The following MTHFD1L variants were observed in gnomAD, a reference collection of about 807,000 sequenced individuals.
The protein encoded by MTHFD1L is monofunctional C1-tetrahydrofolate synthase, mitochondrial.
In MTHFD1L, 81 loss-of-function variants were observed where a neutral mutation model predicts 119.5. The ratio of observed to expected loss-of-function variants is 0.68; its 90% confidence interval spans 0.57 to 0.82. MTHFD1L has a LOEUF of 0.82. Among genes scored for constraint, MTHFD1L ranks in the 40% least tolerant of loss-of-function variants. The probability of loss-of-function intolerance (pLI) is 0.00; values close to 1 mark genes in which losing one functional copy is unlikely to be tolerated. For missense variants in MTHFD1L, 1,125 were observed against 1,253.4 expected (o/e 0.90, Z 1.55); for synonymous variants, 430 against 475.2 (o/e 0.90, Z 1.24).
At position 150,949,084 on chromosome 6, in the gene MTHFD1L, T is replaced by C; in HGVS notation, c.1677T>C (p.Ser559=). 1 of 1,613,924 alleles carries C rather than the reference T, an allele frequency of 6.2e-7. No homozygotes were observed. Among genetic ancestry groups the C allele is most frequent in the Non-Finnish European group, 8.5e-7 (1 of 1,180,004 alleles). ...GCACACTGACAGAAGAGGAAGTGAGTAAATTTGCCCGTCTCGACATCGACC... is the reference window on the plus strand; with the variant it reads ...GCACACTGACAGAAGAGGAAGTGAGCAAATTTGCCCGTCTCGACATCGACC... The part of the protein sequence containing the change: ...DPSTLTEEEV[S]KFARLDIDPS... The change falls in exon 16 of 28, where the codon AGT becomes AGC. Residue 559 remains serine, a synonymous_variant. Coordinates refer to ENST00000367321, the MANE Select transcript of MTHFD1L (RefSeq NM_015440.5).
intron 7 of MTHFD1L, among the ~76,000 whole-genome samples, chr6:150,891,187 T>C (rs2128791475): frequency 6.6e-6 from 1 of 152,232 alleles, no homozygotes; most frequent in South Asian, 2.1e-4. Context: ...GGTTTCACCA[T>C]GTTGGCCAGG....
At chr6:150,880,990 C>T (rs1403607547) in intron 4 of MTHFD1L, among the ~76,000 whole-genome samples, 1 of 152,104 alleles carries the variant, frequency 6.6e-6, no homozygotes, top group Non-Finnish European at 1.5e-5. Flanking sequence ...TGGATGTTAA[C>T]CCCTTGTCGG....
intron 20 of MTHFD1L, among the ~76,000 whole-genome samples, chr6:150,975,634 C>G (rs957038345): frequency 6.6e-6 from 1 of 152,194 alleles, no homozygotes; most frequent in Admixed American, 6.5e-5. Flanking sequence ...TCCTCTCCTC[C>G]CCTGTCTGGG....
At chr6:151,066,280 C>CA (rs901458755) in intron 26 of MTHFD1L, among the ~76,000 whole-genome samples, 2 of 150,380 alleles carry the variant, frequency 1.3e-5, no homozygotes, top group African/African-American at 4.9e-5. Flanking sequence ...ACTAAAAATA[C>CA]AAAAAAATCA....
rs139885159 is a variant in MTHFD1L at position 151,039,145 on chromosome 6, A to C, written c.2847+2028A>C. 9.9e-3 allele frequency among the ~76,000 whole-genome samples: 1,507 copies of C among 152,306 alleles called. 27 individuals carry two copies. The highest frequency in any genetic ancestry group is 0.034 in the African/African-American group (1,413 of 41,560). On this transcript the variant is annotated intron_variant, in intron 26 of 27. Coordinates refer to ENST00000367321, the MANE Select transcript of MTHFD1L (RefSeq NM_015440.5). The surrounding 1 kb of genome is among the most constrained non-coding windows in gnomAD (Gnocchi z 4.4). Reference sequence around the variant, plus strand: ...ACCCACGTTAATGCAGCCGACTCCTAGCAGGGGTGCCTTCCAGGAGGCGGG... The same window carrying C: ...ACCCACGTTAATGCAGCCGACTCCTCGCAGGGGTGCCTTCCAGGAGGCGGG...
chr6:150,908,054 C>T (rs7764006), intron 8 of MTHFD1L, among the ~76,000 whole-genome samples: 3 of 149,766 alleles, frequency 2.0e-5, no homozygotes, highest in South Asian at 2.1e-4. Flanking sequence ...CCTGTCACCA[C>T]GCCTGGCCAA....
chr6:150,879,563 C>T (rs189858839), intron 4 of MTHFD1L, among the ~76,000 whole-genome samples: 12 of 151,200 alleles, frequency 7.9e-5, no homozygotes, highest in African/African-American at 9.7e-5. Context: ...GCTAGGATTA[C>T]AGGTGTGAGC....
intron 17 of MTHFD1L, among the ~76,000 whole-genome samples, chr6:150,957,798 T>G (rs944809412): frequency 6.6e-6 from 1 of 151,866 alleles, no homozygotes; most frequent in Non-Finnish European, 1.5e-5. Context: ...CCTGTTTATG[T>G]TAAGAAAAAC....
intron 26 of MTHFD1L, among the ~76,000 whole-genome samples, chr6:151,058,663 C>G (rs1790276395): frequency 6.6e-6 from 1 of 152,190 alleles, no homozygotes; most frequent in Non-Finnish European, 1.5e-5. Context: ...CCCTCCTTTT[C>G]AAGGACTCCT....
intron 8 of MTHFD1L, among the ~76,000 whole-genome samples, chr6:150,909,537 T>G (rs1583499177): frequency 6.6e-6 from 1 of 152,196 alleles, no homozygotes; most frequent in Admixed American, 6.5e-5. Context: ...AACCACCATG[T>G]CTGGCCTAAA....
At chr6:150,866,537 G>T in intron 1 of MTHFD1L, 1 of 1,271,660 alleles carries the variant, frequency 7.9e-7, no homozygotes. Context: ...AGCGCCGCCC[G>T]CGCGAAGCTC....
chr6:151,063,960 T>C (rs2128605437), intron 26 of MTHFD1L, among the ~76,000 whole-genome samples: 1 of 138,220 alleles, frequency 7.2e-6, no homozygotes, highest in Middle Eastern at 4.1e-3. Flanking sequence ...AAGTGCTTAT[T>C]TTCAGCACAT....
At chr6:150,959,472 T>C (rs1406401523) in intron 17 of MTHFD1L, among the ~76,000 whole-genome samples, 1 of 152,206 alleles carries the variant, frequency 6.6e-6, no homozygotes, top group Non-Finnish European at 1.5e-5. Context: ...CATGTTGGAC[T>C]TCGTACAACG....
chr6:150,936,558 A>ATGT (rs1338480607), intron 11 of MTHFD1L, among the ~76,000 whole-genome samples: 1 of 152,132 alleles, frequency 6.6e-6, no homozygotes, highest in Non-Finnish European at 1.5e-5. Context: ...CTTGAAACTG[A>ATGT]TGTTGTTATT....
chr6:150,938,885 C>T, intron 13 of MTHFD1L, 140 bp downstream of exon 13: 1 of 901,642 alleles, frequency 1.1e-6, no homozygotes, highest in South Asian at 1.5e-5. Context: ...AAAATGTTTG[C>T]ATAACTCATG....
intron 12 of MTHFD1L, 72 bp from the exon 13 acceptor site, chr6:150,938,627 C>T: frequency 6.5e-7 from 1 of 1,527,676 alleles, no homozygotes; most frequent in South Asian, 1.2e-5. Context: ...GGAGCTGTGT[C>T]CCTTGGCCTG....
intron 27 of MTHFD1L, among the ~76,000 whole-genome samples, chr6:151,100,447 C>T (rs1795281004): frequency 1.3e-5 from 2 of 152,118 alleles, no homozygotes; most frequent in Admixed American, 6.6e-5. Context: ...TAGAAACTAA[C>T]CAAGCACCTT....
At chr6:150,894,293 C>T (rs752033954) in intron 7 of MTHFD1L, among the ~76,000 whole-genome samples, 22 of 152,092 alleles carry the variant, frequency 1.4e-4, no homozygotes, top group African/African-American at 2.2e-4. Context: ...AGTAAAATAG[C>T]GTGACTTAGG....
intron 8 of MTHFD1L, among the ~76,000 whole-genome samples, chr6:150,918,277 G>T (rs996772733): frequency 6.6e-6 from 1 of 152,092 alleles, no homozygotes; most frequent in African/African-American, 2.4e-5. Flanking sequence ...TGTTGGCCAG[G>T]CTGGTCTTGA....
Sources: gnomAD v4.1 joint callset for allele counts (sites outside exome capture counted in the v4.1 genomes callset) on GRCh38, gnomAD v4.1.1 for gene constraint, Gnocchi (gnomAD v3.1) non-coding constraint, MANE v1.5 for transcripts, NCBI Gene and HGNC (gene_info 2026-07-23, HGNC 2026-07-21) for gene names.